Variants in THSD7B observed in about 807,000 individuals in gnomAD.
THSD7B encodes the protein thrombospondin type 1 domain containing 7B.
In THSD7B, 138 loss-of-function variants were observed where a neutral mutation model predicts 213.6. That is an observed-to-expected ratio of 0.65 (90% confidence interval 0.56 to 0.74). The LOEUF (loss-of-function observed/expected upper bound fraction) is 0.74, where lower values mean the gene tolerates loss of function less well. Among genes scored for constraint, THSD7B ranks in the 30% least tolerant of loss-of-function variants. The pLI, the probability that THSD7B is intolerant of heterozygous loss-of-function variation, is 0.00. For missense variants in THSD7B, 1,931 were observed against 1,991.5 expected (o/e 0.97, Z 0.58); for synonymous variants, 742 against 687.0 (o/e 1.08, Z -1.25).
chr2:137,084,221 A>G lies in THSD7B; in HGVS notation c.951-10652A>G, dbSNP rs561814013. 2.0e-5 allele frequency among the ~76,000 whole-genome samples: 3 copies of G among 152,170 alleles called. No individual in the cohort carries two copies. In the East Asian group the frequency reaches 5.8e-4, roughly 29 times the overall value. On this transcript the variant is annotated intron_variant, in intron 3 of 27. Transcript: ENST00000409968. Reference sequence around the variant, plus strand: ...TGAACATGATAAAATGAACACAGCTATGTCTGCTGTATTGGGGAAATCTAC... The same window carrying G: ...TGAACATGATAAAATGAACACAGCTGTGTCTGCTGTATTGGGGAAATCTAC...
chr2:137,037,413 C>CAT (rs1553466098), intron 2 of THSD7B, among the ~76,000 whole-genome samples: 6 of 93,556 alleles, frequency 6.4e-5, no homozygotes, highest in East Asian at 5.8e-4. Flanking sequence ...TGTATGTATA[C>CAT]GTATATATAT....
intron 14 of THSD7B, among the ~76,000 whole-genome samples, chr2:137,441,910 T>C (rs1275616694): frequency 6.6e-6 from 1 of 152,124 alleles, no homozygotes; most frequent in African/African-American, 2.4e-5. Context: ...AAAAACATAA[T>C]AATGAAAGAA....
intron 7 of THSD7B, among the ~76,000 whole-genome samples, chr2:137,192,969 CGTATGTGT>C (rs1486514571): frequency 9.9e-5 from 15 of 151,894 alleles, no homozygotes; most frequent in African/African-American, 3.6e-4. Flanking sequence ...CTTGTGTGTG[CGTATGTGT>C]ATGTGTGTAT....
intron 15 of THSD7B, among the ~76,000 whole-genome samples, chr2:137,527,778 G>T (rs1465150161): frequency 6.6e-6 from 1 of 152,076 alleles, no homozygotes; most frequent in African/African-American, 2.4e-5. Flanking sequence ...AAAGAAAAGT[G>T]CTGTCTTCCA....
At chr2:136,890,975 G>A (rs943548172) in intron 2 of THSD7B, among the ~76,000 whole-genome samples, 1 of 151,322 alleles carries the variant, frequency 6.6e-6, no homozygotes, top group Non-Finnish European at 1.5e-5. Flanking sequence ...CCATATTTGT[G>A]TTTTGTTTGT....
chr2:137,608,211 C>T (rs941589118), intron 17 of THSD7B, among the ~76,000 whole-genome samples: 38 of 152,250 alleles, frequency 2.5e-4, no homozygotes, highest in African/African-American at 8.2e-4. Flanking sequence ...CTCTCTCATT[C>T]TTTAGCCTGT....
chr2:137,598,583 CTTTAG>C (rs1323843392), intron 17 of THSD7B, among the ~76,000 whole-genome samples: 1 of 152,176 alleles, frequency 6.6e-6, no homozygotes, highest in African/African-American at 2.4e-5. Context: ...GATGCATTCA[CTTTAG>C]TTTAAGGGTT....
intron 15 of THSD7B, among the ~76,000 whole-genome samples, chr2:137,552,589 TG>T (rs1680871480): frequency 6.6e-6 from 1 of 152,242 alleles, no homozygotes; most frequent in Non-Finnish European, 1.5e-5. Context: ...TGTATTATTG[TG>T]GTATCACTGC....
chr2:137,066,890 A>T (rs183364398), intron 3 of THSD7B, among the ~76,000 whole-genome samples: 4 of 151,980 alleles, frequency 2.6e-5, no homozygotes, highest in African/African-American at 9.6e-5. Flanking sequence ...GTCTTTTTTA[A>T]TCCTCTTTGA....
In THSD7B at chr2:137,176,921, G is replaced by C. The variant is rs1456303460; in HGVS notation, c.1723+5983G>C. On this transcript the variant is annotated intron_variant, in intron 7 of 27. Coordinates refer to ENST00000409968, the MANE Select transcript of THSD7B (RefSeq NM_001316349.2). Reference sequence around the variant, plus strand: ...TGGCATGGCTTCCCAATAAGTACTTGTCCGGGAATCTTTGTCACAGAGTTT... The same window carrying C: ...TGGCATGGCTTCCCAATAAGTACTTCTCCGGGAATCTTTGTCACAGAGTTT... Among the ~76,000 whole-genome samples, 5 of 151,448 alleles carry C rather than the reference G, an allele frequency of 3.3e-5. No homozygotes were observed. The East Asian group carries it at 6.1e-4, about 19-fold the overall frequency.
chr2:137,341,099 T>G (rs1305830906), intron 12 of THSD7B, among the ~76,000 whole-genome samples: 1 of 151,270 alleles, frequency 6.6e-6, no homozygotes, highest in Non-Finnish European at 1.5e-5. Context: ...TCGACATCCT[T>G]GCCAACACTT....
At chr2:137,222,341 T>C (rs1364343936) in intron 7 of THSD7B, among the ~76,000 whole-genome samples, 1 of 152,198 alleles carries the variant, frequency 6.6e-6, no homozygotes, top group Admixed American at 6.5e-5. Flanking sequence ...TCCCAACTAC[T>C]CATCAACTAT....
chr2:136,998,261 C>CAAAAAAAAAAAAAAAAAAAA (rs33931359), intron 2 of THSD7B, among the ~76,000 whole-genome samples: 4 of 98,396 alleles, frequency 4.1e-5, no homozygotes, highest in Admixed American at 1.1e-4. Context: ...ACTAAAAGGC[C>CAAAAAAAAAAAAAAAAAAAA]AAAAAAAAAA....
At chr2:137,265,425 A>C (rs1442735879) in intron 10 of THSD7B, among the ~76,000 whole-genome samples, 1 of 152,214 alleles carries the variant, frequency 6.6e-6, no homozygotes, top group Non-Finnish European at 1.5e-5. Context: ...AGGGATCTAG[A>C]ACTAGAAATA....
chr2:137,667,491 T>TAACA (rs1161278450), intron 26 of THSD7B, among the ~76,000 whole-genome samples: 12 of 152,324 alleles, frequency 7.9e-5, no homozygotes, highest in African/African-American at 2.9e-4. Context: ...TACCATGTAA[T>TAACA]AACATTTAAG....
intron 2 of THSD7B, among the ~76,000 whole-genome samples, chr2:136,998,958 A>ACACACC (rs983148887): frequency 3.1e-5 from 4 of 129,852 alleles, no homozygotes; most frequent in African/African-American, 8.6e-5. Context: ...ACACACACAC[A>ACACACC]CCCCTGCTTT....
At chr2:136,859,175 G>A (rs535681575) in intron 1 of THSD7B, among the ~76,000 whole-genome samples, 1 of 152,284 alleles carries the variant, frequency 6.6e-6, no homozygotes, top group South Asian at 2.1e-4. Context: ...TAAACCAGGA[G>A]TCATAAGTCT....
intron 5 of THSD7B, among the ~76,000 whole-genome samples, chr2:137,150,197 G>T (rs1430475213): frequency 6.6e-6 from 1 of 151,336 alleles, no homozygotes; most frequent in Non-Finnish European, 1.5e-5. Context: ...AGCTGAGATG[G>T]TGCCACTGCA....
At chr2:137,230,123 G>A (rs1261087424) in intron 7 of THSD7B, among the ~76,000 whole-genome samples, 5 of 152,180 alleles carry the variant, frequency 3.3e-5, no homozygotes, top group African/African-American at 1.2e-4. Flanking sequence ...ATCTATAAAA[G>A]AGGAATATTT....
Sources: gnomAD v4.1 joint callset for allele counts (sites outside exome capture counted in the v4.1 genomes callset) on GRCh38, gnomAD v4.1.1 for gene constraint, MANE v1.5 for transcripts, NCBI Gene and HGNC (gene_info 2026-07-23, HGNC 2026-07-21) for gene names.